IGF1R: variants seen among roughly 807,000 people sequenced by gnomAD.
The protein encoded by IGF1R is insulin-like growth factor 1 receptor.
In IGF1R, 44 loss-of-function variants were observed where a neutral mutation model predicts 144.6. The ratio of observed to expected loss-of-function variants is 0.30; its 90% CI spans 0.24 to 0.39. The LOEUF (loss-of-function observed/expected upper bound fraction) is 0.39. Ranked by LOEUF, IGF1R falls within the 10% of genes least tolerant of loss-of-function variation. The pLI, the probability that IGF1R is intolerant of heterozygous loss-of-function variation, is 1.00. For missense variants in IGF1R, 1,355 were observed against 1,833.7 expected, an observed-to-expected ratio of 0.74 and a Z score of 4.77; for synonymous variants, 795 against 722.8, an observed-to-expected ratio of 1.10 and a Z score of -1.60.
intron 1 of IGF1R, among the ~76,000 whole-genome samples, chr15:98,656,378 C>A (rs1472465121): frequency 6.6e-6 from 1 of 152,160 alleles, no homozygotes; most frequent in African/African-American, 2.4e-5. Context: ...GGTGCACCCC[C>A]TTTCTACTAA....
rs2017072990 is a variant in IGF1R, at chr15:98,957,898, CCGTGGGTCATTACAAAAAAACA to C, written c.*462_*483del. On this transcript the variant is annotated 3_prime_UTR_variant, in exon 21 of 21. Transcript: ENST00000650285. The stretch of plus-strand genomic sequence containing the variant: ...AACCACTGTACACACCCGCCTGACA[CCGTGGGTCATTACAAAAAAACA>C]CGTGGAGATGGAAATTTTTACCTTT... 2 of 242,608 alleles carry C rather than the reference CCGTGGGTCATTACAAAAAAACA, an allele frequency of 8.2e-6. No homozygotes were observed. 15.0% of individuals were successfully genotyped at this position (242,608 alleles called of 1,614,324 possible).
At chr15:98,721,700 C>T (rs1335850764) in intron 2 of IGF1R, among the ~76,000 whole-genome samples, 2 of 152,162 alleles carry the variant, frequency 1.3e-5, no homozygotes, top group Non-Finnish European at 2.9e-5. Flanking sequence ...CTGAGAGGTG[C>T]AGGAATTTTA....
At chr15:98,701,368 G>A (rs1011360528) in intron 1 of IGF1R, among the ~76,000 whole-genome samples, 7 of 114,102 alleles carry the variant, frequency 6.1e-5, no homozygotes, top group Non-Finnish European at 8.2e-5. Flanking sequence ...ATGGAGTCTC[G>A]TTCTGTCACC....
At chr15:98,893,065 C>A (rs563460696) in intron 3 of IGF1R, among the ~76,000 whole-genome samples, 1 of 152,190 alleles carries the variant, frequency 6.6e-6, no homozygotes, top group Non-Finnish European at 1.5e-5. Context: ...ATGCCTCCTT[C>A]ATGATTAGCA....
At chr15:98,839,786 C>T (rs537222234) in intron 2 of IGF1R, among the ~76,000 whole-genome samples, 1 of 152,166 alleles carries the variant, frequency 6.6e-6, no homozygotes, top group Non-Finnish European at 1.5e-5. Flanking sequence ...TAGAGTGGTG[C>T]TCACCTCCAC....
intron 2 of IGF1R, among the ~76,000 whole-genome samples, chr15:98,744,223 A>G (rs1218156894): frequency 6.6e-6 from 1 of 151,886 alleles, no homozygotes; most frequent in Non-Finnish European, 1.5e-5. Flanking sequence ...CTGTAAAGGG[A>G]CCCAGGTGGC....
chr15:98,918,269 C>T (rs1028791460), intron 10 of IGF1R, among the ~76,000 whole-genome samples: 2 of 152,172 alleles, frequency 1.3e-5, no homozygotes, highest in African/African-American at 4.8e-5. Flanking sequence ...CCGCTGCCAG[C>T]ACCCCACCCA....
chr15:98,730,900 G>A (rs957218881), intron 2 of IGF1R, among the ~76,000 whole-genome samples: 1 of 151,994 alleles, frequency 6.6e-6, no homozygotes, highest in South Asian at 2.1e-4. Flanking sequence ...AGTCACCGAT[G>A]AATTATTTTC....
rs927703464 is a variant in IGF1R, at chr15:98,891,633, C to G, written c.949C>G (p.Gln317Glu). 15 of 1,600,468 alleles carry G rather than the reference C, an allele frequency of 9.4e-6. No homozygotes were observed. The highest frequency in any genetic ancestry group is 1.1e-5 in the Non-Finnish European group (13 of 1,179,934). Residue 317 changes from glutamine (Q) to glutamate (E), a missense_variant, in exon 3 of 21, where the codon CAG becomes GAG. By Grantham distance (29) the Gln-to-Glu change is conservative (BLOSUM62 2). This residue lies in a region of IGF1R where 880 missense variants were observed against 1,202.7 expected (regional missense o/e 0.73). Transcript: ENST00000650285. The surrounding 1 kb of genome is among the most constrained non-coding windows in gnomAD (Gnocchi z 4.7). ...CTCGGGCTTCATCCGCAACGGCAGC[C>G]AGAGGTCAGTCGCGGCCACACGTGT... is the stretch of plus-strand genomic sequence containing the variant. ...CPSGFIRNGSQSMYCIPCEGP... is the reference protein window; with the variant it reads ...CPSGFIRNGSESMYCIPCEGP...
intron 2 of IGF1R, among the ~76,000 whole-genome samples, chr15:98,822,710 A>G (rs2056824764): frequency 1.3e-5 from 2 of 152,210 alleles, no homozygotes; most frequent in African/African-American, 4.8e-5. Flanking sequence ...CTGGTAACTG[A>G]CTGTATGGAA....
At chr15:98,725,760 C>A (rs944532648) in intron 2 of IGF1R, among the ~76,000 whole-genome samples, 3 of 152,234 alleles carry the variant, frequency 2.0e-5, no homozygotes, top group Non-Finnish European at 4.4e-5. Context: ...ATTGGACTTA[C>A]AATTCCACAT....
chr15:98,772,429 G>C (rs915218611), intron 2 of IGF1R, among the ~76,000 whole-genome samples: 3 of 150,172 alleles, frequency 2.0e-5, no homozygotes, highest in Admixed American at 1.3e-4. Context: ...AGAAAGGTTT[G>C]TAAAAAATAA....
chr15:98,925,242 G>T (rs1218481507), intron 13 of IGF1R, among the ~76,000 whole-genome samples: 1 of 152,086 alleles, frequency 6.6e-6, no homozygotes, highest in African/African-American at 2.4e-5. Context: ...TCACCCTTTG[G>T]TACAGAGACT....
At chr15:98,786,116 A>G (rs1405530828) in intron 2 of IGF1R, among the ~76,000 whole-genome samples, 1 of 152,144 alleles carries the variant, frequency 6.6e-6, no homozygotes, top group Non-Finnish European at 1.5e-5. Context: ...AGCCTTGTTA[A>G]TCTCAGACAT....
At chr15:98,802,332 G>A (rs2056380228) in intron 2 of IGF1R, among the ~76,000 whole-genome samples, 1 of 152,156 alleles carries the variant, frequency 6.6e-6, no homozygotes, top group Non-Finnish European at 1.5e-5. Context: ...GAGATGTAGC[G>A]ATGGCTTGGA....
chr15:98,649,520 CTTTTCTTTTTTTTTTTTTTTTTTTTTTTT>C lies in IGF1R; in HGVS notation c.-61_-33del. On this transcript the variant is annotated 5_prime_UTR_variant, in exon 1 of 21. Transcript: ENST00000650285. ...TCCTTTCATTTCCTTTTTTTCTTTTCTTTTCTTTTTTTTTTTTTTTTTTTTTTTTGAGAAAGGGGAATTTCATCCCAAAT... is the reference window on the plus strand; with the variant it reads ...TCCTTTCATTTCCTTTTTTTCTTTTCGAGAAAGGGGAATTTCATCCCAAAT... 1 of 857,964 alleles carries C rather than the reference CTTTTCTTTTTTTTTTTTTTTTTTTTTTTT, an allele frequency of 1.2e-6. No homozygotes were observed. Among genetic ancestry groups the C allele is most frequent in the Non-Finnish European group, 1.7e-6 (1 of 588,894 alleles). 53.1% of individuals were successfully genotyped at this position (857,964 alleles called of 1,614,324 possible).
At chr15:98,795,330 CAT>C (rs1415910114) in intron 2 of IGF1R, among the ~76,000 whole-genome samples, 1 of 152,170 alleles carries the variant, frequency 6.6e-6, no homozygotes, top group Non-Finnish European at 1.5e-5. Flanking sequence ...AACACATTGA[CAT>C]GTATCAGTAA....
intron 2 of IGF1R, among the ~76,000 whole-genome samples, chr15:98,835,712 G>T (rs1258882271): frequency 6.6e-6 from 1 of 152,222 alleles, no homozygotes; most frequent in Non-Finnish European, 1.5e-5. Flanking sequence ...TTTAGATGTG[G>T]TTGGGGTCTG....
chr15:98,759,159 A>T (rs1380221890), intron 2 of IGF1R, among the ~76,000 whole-genome samples: 6 of 152,186 alleles, frequency 3.9e-5, no homozygotes. Context: ...ACACACGCAC[A>T]GGGGCAGGGG....
Sources: allele counts gnomAD v4.1 joint callset (sites outside exome capture counted in the v4.1 genomes callset), GRCh38; gene constraint gnomAD v4.1.1; regional missense constraint gnomAD v4.1.1; non-coding constraint Gnocchi (gnomAD v3.1); transcripts MANE v1.5; gene names NCBI Gene and HGNC (gene_info 2026-07-23, HGNC 2026-07-21).